PRKG1: variants seen among roughly 807,000 people sequenced by gnomAD.
PRKG1 encodes protein kinase cGMP-dependent 1, also known as cGMP-dependent protein kinase 1.
In PRKG1, 35 loss-of-function variants were observed where a neutral mutation model predicts 88.1. The observed-to-expected ratio is 0.40, with a 90% CI of 0.30 to 0.53. The LOEUF (loss-of-function observed/expected upper bound fraction) is 0.53. Ranked by LOEUF, PRKG1 falls within the 20% of genes least tolerant of loss-of-function variation. The pLI is 0.59. For synonymous variants in PRKG1, 303 were observed against 292.5 expected (o/e 1.04, Z -0.37); for missense variants, 540 against 839.8 (o/e 0.64, Z 4.41).
chr10:51,218,778 T>C (rs1170934298), intron 2 of PRKG1, among the ~76,000 whole-genome samples: 3 of 151,744 alleles, frequency 2.0e-5, no homozygotes, highest in East Asian at 1.9e-4. Flanking sequence ...AGTTTATTGA[T>C]TGATAACGGT....
intron 4 of PRKG1, among the ~76,000 whole-genome samples, chr10:51,904,232 A>C (rs1842039463): frequency 1.3e-5 from 2 of 152,038 alleles, no homozygotes; most frequent in South Asian, 4.1e-4. Flanking sequence ...GTTACAATAA[A>C]TTATTTTTTT....
chr10:52,095,725 A>G (rs1008022051), intron 7 of PRKG1, among the ~76,000 whole-genome samples: 1 of 152,218 alleles, frequency 6.6e-6, no homozygotes, highest in African/African-American at 2.4e-5. Context: ...AGAAACAAAG[A>G]CAAGCAAACA....
intron 7 of PRKG1, among the ~76,000 whole-genome samples, chr10:52,064,274 G>A (rs72803117): frequency 0.14 from 21,145 of 152,286 alleles, 1,959 homozygotes; most frequent in Non-Finnish European, 0.2. Flanking sequence ...GGACTGGCAT[G>A]CCAGCACTGC....
intron 4 of PRKG1, among the ~76,000 whole-genome samples, chr10:51,888,958 G>A (rs924799753): frequency 1.7e-4 from 26 of 152,084 alleles, no homozygotes; most frequent in Non-Finnish European, 2.9e-5. Flanking sequence ...ACGTGACTGG[G>A]ACTTAAATAA....
At chr10:51,357,461 C>A (rs183881135) in intron 2 of PRKG1, among the ~76,000 whole-genome samples, 1 of 152,014 alleles carries the variant, frequency 6.6e-6, no homozygotes, top group East Asian at 1.9e-4. Context: ...GGCTGCACAC[C>A]CTTCTCTGAA....
At chr10:51,102,704 C>T (rs766758014) in intron 1 of PRKG1, among the ~76,000 whole-genome samples, 1 of 152,128 alleles carries the variant, frequency 6.6e-6, no homozygotes, top group African/African-American at 2.4e-5. Context: ...CAGTCTGTTG[C>T]AAGGACCATA....
chr10:52,100,678 A>T (rs937333787), intron 7 of PRKG1, among the ~76,000 whole-genome samples: 1 of 152,212 alleles, frequency 6.6e-6, no homozygotes, highest in African/African-American at 2.4e-5. Context: ...ATGTGAAATT[A>T]TGGTCAAAAC....
chr10:52,096,754 T>G (rs1847182482), intron 7 of PRKG1, among the ~76,000 whole-genome samples: 1 of 152,134 alleles, frequency 6.6e-6, no homozygotes, highest in African/African-American at 2.4e-5. Flanking sequence ...CATATAATTT[T>G]TTGTTTTAAA....
At chr10:51,342,565 C>T (rs1268611390) in intron 2 of PRKG1, among the ~76,000 whole-genome samples, 1 of 152,106 alleles carries the variant, frequency 6.6e-6, no homozygotes, top group Non-Finnish European at 1.5e-5. Context: ...GTATCAAAGT[C>T]CTGAGTCATC....
intron 7 of PRKG1, among the ~76,000 whole-genome samples, chr10:52,074,744 C>T (rs571374048): frequency 6.6e-6 from 1 of 152,244 alleles, no homozygotes; most frequent in South Asian, 2.1e-4. Flanking sequence ...TTTTAATTGG[C>T]TAGATTCACT....
intron 2 of PRKG1, among the ~76,000 whole-genome samples, chr10:51,463,408 A>T (rs1156241834): frequency 6.6e-6 from 1 of 152,220 alleles, no homozygotes; most frequent in Non-Finnish European, 1.5e-5. Flanking sequence ...TTGCCACCTA[A>T]ATAATAACAT....
In PRKG1 at chr10:51,774,955, T is replaced by G. The variant is rs192573693; in HGVS notation, c.593-29630T>G. ...TATTGTTAGTAACCAAGCTTTAAAT[T>G]TATTTAACATTCTATTTTATCAGTC... On this transcript the variant is annotated intron_variant, in intron 3 of 17. Transcript: ENST00000373980. Among the ~76,000 whole-genome samples, 609 of 152,312 alleles carry G rather than the reference T, an allele frequency of 4.0e-3. 1 individual carries two copies. Among genetic ancestry groups the G allele is most frequent in the African/African-American group, 0.014 (588 of 41,582 alleles).
At chr10:51,918,192 G>A (rs745853622) in intron 5 of PRKG1, among the ~76,000 whole-genome samples, 2 of 152,054 alleles carry the variant, frequency 1.3e-5, no homozygotes, top group African/African-American at 4.8e-5. Context: ...TATGCAATCC[G>A]ACCCTGGAAT....
intron 1 of PRKG1, among the ~76,000 whole-genome samples, chr10:51,052,543 CTT>C (rs1355648791): frequency 6.6e-5 from 10 of 152,130 alleles, no homozygotes; most frequent in Admixed American, 2.0e-4. Flanking sequence ...AAATATATCT[CTT>C]TGTTTTATTT....
At chr10:51,048,507 T>C (rs1230130072) in intron 1 of PRKG1, among the ~76,000 whole-genome samples, 5 of 152,098 alleles carry the variant, frequency 3.3e-5, no homozygotes, top group Non-Finnish European at 2.9e-5. Flanking sequence ...GTCTCAAGAG[T>C]CTGCAAAAAA....
At chr10:52,082,978 T>A (rs569177337) in intron 7 of PRKG1, among the ~76,000 whole-genome samples, 28 of 152,166 alleles carry the variant, frequency 1.8e-4, no homozygotes, top group Non-Finnish European at 3.4e-4. Context: ...ATGCTGGATA[T>A]TTGCAGGAAA....
chr10:51,110,530 GGA>G lies in PRKG1; in HGVS notation c.311+35635_311+35636del, dbSNP rs566310670. On this transcript the variant is annotated intron_variant, in intron 1 of 17. Coordinates refer to ENST00000373980, the MANE Select transcript of PRKG1 (RefSeq NM_006258.4). ...GAACAAACCGGTGGTTGCCTGGGAT[GGA>G]GAGAGGAATGAGTGGAAGAGGCTAC... is the stretch of plus-strand genomic sequence containing the variant. 5.9e-5 allele frequency among the ~76,000 whole-genome samples: 9 copies of G among 152,076 alleles called. No individual in the cohort carries two copies. In the South Asian group the frequency reaches 1.9e-3, roughly 32 times the overall value.
intron 7 of PRKG1, among the ~76,000 whole-genome samples, chr10:52,093,760 C>A (rs903872001): frequency 6.6e-6 from 1 of 152,018 alleles, no homozygotes; most frequent in East Asian, 1.9e-4. Context: ...AAAAATTGAG[C>A]TTTTTGGAGG....
intron 2 of PRKG1, among the ~76,000 whole-genome samples, chr10:51,365,305 C>T (rs1842566809): frequency 6.6e-6 from 1 of 151,882 alleles, no homozygotes. Context: ...AGCCCAATCT[C>T]TTTCCATACT....
Sources: allele counts gnomAD v4.1 joint callset (sites outside exome capture counted in the v4.1 genomes callset), GRCh38; gene constraint gnomAD v4.1.1; transcripts MANE v1.5; gene names NCBI Gene and HGNC (gene_info 2026-07-23, HGNC 2026-07-21).